Variants in SIPA1L3 observed in about 807,000 individuals in gnomAD.
The protein encoded by SIPA1L3 is signal induced proliferation associated 1 like 3.
SIPA1L3 carries 59 observed loss-of-function variants against 150.1 expected under a neutral mutation model. The ratio of observed to expected loss-of-function variants is 0.39; its 90% CI spans 0.32 to 0.49. The LOEUF (loss-of-function observed/expected upper bound fraction) is 0.49, where lower values mean the gene tolerates loss of function less well. SIPA1L3 is among the 20% of genes least tolerant of loss of function. The pLI is 0.86. For missense variants in SIPA1L3, 2,211 were observed against 2,489.5 expected (o/e 0.89, Z 2.38); for synonymous variants, 1,070 against 1,077.6 (o/e 0.99, Z 0.14).
At position 38,082,315 on chromosome 19, in the gene SIPA1L3, C is replaced by T; in HGVS notation, c.750C>T (p.Leu250=). 1.3e-6 allele frequency: 2 copies of T among 1,599,126 alleles called. No individual in the cohort carries two copies. The highest frequency in any genetic ancestry group is 1.7e-6 in the Non-Finnish European group (2 of 1,179,124). ...ELLRADPGPH[L]MGGGGGAKGD... is the part of the protein sequence containing the mutation. ...TCCGGGCAGATCCTGGCCCACACCT[C>T]ATGGGGGGCGGCGGCGGAGCCAAGG... Residue 250 remains leucine (L), a synonymous_variant, in exon 3 of 22, where the codon CTC becomes CTT. Coordinates refer to ENST00000222345, the MANE Select transcript of SIPA1L3 (RefSeq NM_015073.3).
rs182505237 is a variant in SIPA1L3 at position 38,100,654 on chromosome 19, C to T, written c.1855-398C>T. 2.2e-4 allele frequency among the ~76,000 whole-genome samples: 34 copies of T among 152,310 alleles called. No individual in the cohort carries two copies. In the East Asian group the frequency reaches 6.0e-3, roughly 27 times the overall value. ...CTAAAGCAAACATAGTTATTGGGAGCCCACTCCCTAAAAAAGGTATTGACT... is the reference window on the plus strand; with the variant it reads ...CTAAAGCAAACATAGTTATTGGGAGTCCACTCCCTAAAAAAGGTATTGACT... On this transcript the variant is annotated intron_variant, in intron 5 of 21. Coordinates refer to ENST00000222345, the MANE Select transcript of SIPA1L3 (RefSeq NM_015073.3).
At chr19:38,066,451 A>G (rs1969594465) in intron 2 of SIPA1L3, among the ~76,000 whole-genome samples, 1 of 152,208 alleles carries the variant, frequency 6.6e-6, no homozygotes, top group African/African-American at 2.4e-5. Context: ...AAACAGTCAA[A>G]GCATCGTGTA....
chr19:38,042,928 T>C (rs1968959635), intron 2 of SIPA1L3, among the ~76,000 whole-genome samples: 1 of 152,234 alleles, frequency 6.6e-6, no homozygotes, highest in Non-Finnish European at 1.5e-5. Flanking sequence ...CATCCCCTTC[T>C]ACCTCTATGA....
At chr19:37,945,330 G>C (rs1461389696) in intron 1 of SIPA1L3, among the ~76,000 whole-genome samples, 3 of 151,986 alleles carry the variant, frequency 2.0e-5, no homozygotes, top group African/African-American at 7.2e-5. Context: ...CACCTCCCAG[G>C]TTCAAGTGAT....
At position 38,043,824 on chromosome 19, in the gene SIPA1L3, C is replaced by T. The variant is rs1968984685; in HGVS notation, c.-311+14668C>T. ...GAGGAGCTGAGGTCAGAGAGTTCCA[C>T]AGGAGGTCTGCTAGGGACTGGGGCC... On this transcript the variant is annotated intron_variant, in intron 2 of 21. Transcript: ENST00000222345. 2.0e-5 allele frequency among the ~76,000 whole-genome samples: 3 copies of T among 152,172 alleles called. No individual in the cohort carries two copies. The South Asian group carries it at 6.2e-4, about 32-fold the overall frequency.
intron 1 of SIPA1L3, among the ~76,000 whole-genome samples, chr19:38,009,714 C>T (rs1421446463): frequency 6.6e-6 from 1 of 152,078 alleles, no homozygotes; most frequent in East Asian, 1.9e-4. Context: ...AAGCCGCAGA[C>T]CTGTGATTTG....
intron 12 of SIPA1L3, among the ~76,000 whole-genome samples, chr19:38,149,534 G>A (rs1320947468): frequency 6.6e-6 from 1 of 152,212 alleles, no homozygotes; most frequent in Non-Finnish European, 1.5e-5. Flanking sequence ...AGGTTTAGCT[G>A]CATAGTATAC....
intron 2 of SIPA1L3, among the ~76,000 whole-genome samples, chr19:38,069,281 T>TGA (rs1419987362): frequency 6.6e-6 from 1 of 152,190 alleles, no homozygotes; most frequent in Non-Finnish European, 1.5e-5. Flanking sequence ...TCTGAATCAG[T>TGA]GAACCCCTGA....
rs565274348 is a variant in SIPA1L3, at chr19:38,196,740, TGGAGGCCGAGGGGGGAGCCA to T, written c.4841-1630_4841-1611del. ...GGAACATAGAGTCAAGGGCAGAGCATGGAGGCCGAGGGGGGAGCCAGGAGGCCGAGGGGGGAGCAAGGAGG... is the reference window on the plus strand; with the variant it reads ...GGAACATAGAGTCAAGGGCAGAGCATGGAGGCCGAGGGGGGAGCAAGGAGG... On this transcript the variant is annotated intron_variant, in intron 18 of 21. Coordinates refer to ENST00000222345, the MANE Select transcript of SIPA1L3 (RefSeq NM_015073.3). Among the ~76,000 whole-genome samples, 716 of 149,446 alleles carry T rather than the reference TGGAGGCCGAGGGGGGAGCCA, an allele frequency of 4.8e-3. 10 individuals are homozygous for T. The highest frequency in any genetic ancestry group is 0.019 in the South Asian group (87 of 4,642).
chr19:38,207,928 C>G lies in SIPA1L3; in HGVS notation c.*1688C>G, dbSNP rs1450094596. The G allele has an allele frequency of 6.6e-6, 1 of 152,556 alleles. No individual in the cohort carries two copies. Among genetic ancestry groups the G allele is most frequent in the East Asian group, 1.9e-4 (1 of 5,192 alleles). 9.5% of individuals were successfully genotyped at this position (152,556 alleles called of 1,614,324 possible). A position where few individuals can be genotyped will look rare whatever the true frequency, so the allele number is the denominator to read the frequency against. ...GAGGTGGGCGTGCCCCAGGCAGCGT[C>G]CTCAGCCCTGGCCAGCTACTGTGAT... On this transcript the variant is annotated 3_prime_UTR_variant, in exon 22 of 22. Coordinates refer to ENST00000222345, the MANE Select transcript of SIPA1L3 (RefSeq NM_015073.3).
intron 1 of SIPA1L3, among the ~76,000 whole-genome samples, chr19:37,959,817 CTTT>C (rs34291572): frequency 7.8e-6 from 1 of 128,784 alleles, no homozygotes; most frequent in African/African-American, 2.8e-5. Context: ...AAAAAACTTT[CTTT>C]TTTTTTTTTT....
intron 1 of SIPA1L3, among the ~76,000 whole-genome samples, chr19:37,975,417 C>T (rs1967051472): frequency 6.6e-6 from 1 of 152,090 alleles, no homozygotes; most frequent in Non-Finnish European, 1.5e-5. Flanking sequence ...CCCCAGTCCT[C>T]ACTCCCACTG....
intron 1 of SIPA1L3, among the ~76,000 whole-genome samples, chr19:37,996,599 ACAGTAGCT>A (rs1967642926): frequency 1.3e-5 from 2 of 152,160 alleles, no homozygotes; most frequent in African/African-American, 4.8e-5. Context: ...ACCATGATGT[ACAGTAGCT>A]CTCTTGAACT....
chr19:38,206,516 C>T lies in SIPA1L3; in HGVS notation c.*276C>T, dbSNP rs1973219135. On this transcript the variant is annotated 3_prime_UTR_variant, in exon 22 of 22. Transcript: ENST00000222345. Reference sequence around the variant, plus strand: ...GGGCTGTGCTTACACCGCTCCCGGGCCTGCCCCGCTGTCCCCATCTAGCCT... The same window carrying T: ...GGGCTGTGCTTACACCGCTCCCGGGTCTGCCCCGCTGTCCCCATCTAGCCT... 3 of 352,680 alleles carry T rather than the reference C, an allele frequency of 8.5e-6. No individual in the cohort carries two copies. Among genetic ancestry groups the T allele is most frequent in the Admixed American group, 4.8e-5 (1 of 20,742 alleles). The allele number at this position is 352,680 out of a possible 1,614,324, so 21.8% of individuals were successfully genotyped here.
chr19:38,040,240 T>C (rs1273425139), intron 2 of SIPA1L3, among the ~76,000 whole-genome samples: 1 of 152,202 alleles, frequency 6.6e-6, no homozygotes, highest in Non-Finnish European at 1.5e-5. Flanking sequence ...TCTACACGTA[T>C]TTCCAGAGTA....
chr19:37,935,527 T>C (rs1432002071), intron 1 of SIPA1L3, among the ~76,000 whole-genome samples: 1 of 152,234 alleles, frequency 6.6e-6, no homozygotes, highest in Non-Finnish European at 1.5e-5. Context: ...TTATTTCTTG[T>C]GAACCTGTGG....
intron 18 of SIPA1L3, among the ~76,000 whole-genome samples, chr19:38,196,380 C>A (rs1371635301): frequency 2.0e-5 from 3 of 151,448 alleles, no homozygotes; most frequent in African/African-American, 4.9e-5. Flanking sequence ...AAGGGCGGAG[C>A]ATGGAGGTCA....
intron 4 of SIPA1L3, among the ~76,000 whole-genome samples, chr19:38,093,557 A>G (rs1623915): frequency 0.61 from 92,040 of 151,934 alleles, 29,960 homozygotes; most frequent in African/African-American, 0.85. Context: ...GTTCCTTCCC[A>G]GGAGGTCAGA....
chr19:38,119,692 C>G lies in SIPA1L3; in HGVS notation c.2678C>G (p.Ser893Cys). 2 of 1,614,160 alleles carry G rather than the reference C, an allele frequency of 1.2e-6. No homozygotes were observed. The highest frequency in any genetic ancestry group is 2.2e-5 in the South Asian group (2 of 91,078). ...GAAATCGACTGCATTTTGGGAATTT[C>G]CAATGAGTTTGTGGTGCTCCTGGAC... ...GVEIDCILGI[S>C]NEFVVLLDLR... is the part of the protein sequence containing the mutation. The change falls in exon 9 of 22, where the codon TCC becomes TGC. Residue 893 changes from serine (S) to cysteine (C), a missense_variant. Physicochemically the swap from Ser to Cys is moderately radical, Grantham distance 112 (BLOSUM62 -1). Coordinates refer to ENST00000222345, the MANE Select transcript of SIPA1L3 (RefSeq NM_015073.3).
Sources: gnomAD v4.1 joint callset for allele counts (sites outside exome capture counted in the v4.1 genomes callset) on GRCh38, gnomAD v4.1.1 for gene constraint, MANE v1.5 for transcripts, NCBI Gene and HGNC (gene_info 2026-07-23, HGNC 2026-07-21) for gene names.